DLG2: variants seen among roughly 807,000 people sequenced by gnomAD.
DLG2 encodes the protein discs large MAGUK scaffold protein 2, also known as disks large homolog 2.
A neutral mutation model predicts 132.5 loss-of-function variants in DLG2; 45 were observed. The observed-to-expected ratio is 0.34, with a 90% CI of 0.27 to 0.44. DLG2 has a LOEUF of 0.44. DLG2 is among the 20% of genes least tolerant of loss of function. The probability of loss-of-function intolerance (pLI) is 1.00; values close to 1 mark genes in which losing one functional copy is unlikely to be tolerated. For missense variants in DLG2, 1,045 were observed against 1,196.9 expected (o/e 0.87, Z 1.87); for synonymous variants, 424 against 419.6 (o/e 1.01, Z -0.13).
chr11:84,511,814 G>A (rs547923600), intron 7 of DLG2, among the ~76,000 whole-genome samples: 3 of 152,118 alleles, frequency 2.0e-5, no homozygotes, highest in African/African-American at 4.8e-5. Context: ...CTGGTTCTCA[G>A]GGCCCTGCTT....
At chr11:85,439,248 A>G (rs2091649702) in intron 3 of DLG2, among the ~76,000 whole-genome samples, 2 of 152,144 alleles carry the variant, frequency 1.3e-5, no homozygotes, top group African/African-American at 4.8e-5. Flanking sequence ...CTTTCCCACC[A>G]GCAATGAATG....
intron 7 of DLG2, among the ~76,000 whole-genome samples, chr11:84,501,256 T>C (rs2099203922): frequency 6.6e-6 from 1 of 152,216 alleles, no homozygotes; most frequent in African/African-American, 2.4e-5. Context: ...CTAAGTAGAT[T>C]CTGAAATGTT....
chr11:85,008,170 A>T (rs945573227), intron 6 of DLG2, among the ~76,000 whole-genome samples: 5 of 152,002 alleles, frequency 3.3e-5, no homozygotes, highest in African/African-American at 1.2e-4. Context: ...AGAGTATATA[A>T]AACTTTTCAT....
rs1486590244 is a variant in DLG2, at chr11:83,787,325, T to TC, written c.1723-534_1723-533insG. ...GCCTTAAGCCTTGTTTTTTTTTTGT[T>TC]TTTTTTTTTTTTTTTAGACAGAGTC... On this transcript the variant is annotated intron_variant, in intron 17 of 27. Transcript: ENST00000376104. Among the ~76,000 whole-genome samples the TC allele has an allele frequency of 2.1e-5, 2 of 94,844 alleles. 1 individual carries two copies. The highest frequency in any genetic ancestry group is 7.9e-4 in the South Asian group (2 of 2,516). 62.2% of individuals were successfully genotyped at this position (94,844 alleles called of 152,430 possible).
intron 3 of DLG2, among the ~76,000 whole-genome samples, chr11:85,379,323 T>C (rs535287998): frequency 6.4e-4 from 98 of 152,286 alleles, no homozygotes; most frequent in African/African-American, 2.1e-3. Flanking sequence ...ATCCTGTCTT[T>C]AGGTTTAAAC....
intron 7 of DLG2, among the ~76,000 whole-genome samples, chr11:84,356,356 C>T (rs2098611480): frequency 6.6e-6 from 1 of 152,052 alleles, no homozygotes; most frequent in African/African-American, 2.4e-5. Flanking sequence ...ATCTGAATCA[C>T]GAAGCTTATA....
chr11:84,570,751 C>T (rs997351319), intron 6 of DLG2, among the ~76,000 whole-genome samples: 1 of 152,178 alleles, frequency 6.6e-6, no homozygotes, highest in African/African-American at 2.4e-5. Context: ...TTTCTCCCTT[C>T]CCTTCATCAT....
At chr11:84,548,107 A>G (rs1402305459) in intron 6 of DLG2, among the ~76,000 whole-genome samples, 2 of 152,170 alleles carry the variant, frequency 1.3e-5, no homozygotes, top group Non-Finnish European at 2.9e-5. Flanking sequence ...GACATCCCTG[A>G]CAAAGTGTAT....
intron 4 of DLG2, among the ~76,000 whole-genome samples, chr11:85,156,199 A>G (rs1377798983): frequency 2.0e-5 from 3 of 152,192 alleles, no homozygotes; most frequent in East Asian, 3.8e-4. Context: ...GTTTACATCT[A>G]TCATTGTAAT....
chr11:83,918,067 C>T (rs1427389232), intron 15 of DLG2, among the ~76,000 whole-genome samples: 1 of 152,138 alleles, frequency 6.6e-6, no homozygotes, highest in Non-Finnish European at 1.5e-5. Context: ...AGGCAGATGT[C>T]CCATTACAAA....
At position 84,555,648 on chromosome 11, in the gene DLG2, T is replaced by C. The variant is rs143362920; in HGVS notation, c.358-20917A>G. 8.0e-3 allele frequency among the ~76,000 whole-genome samples: 1,213 copies of C among 152,296 alleles called. 22 individuals carry two copies. The highest frequency in any genetic ancestry group is 0.027 in the African/African-American group (1,114 of 41,552). ...GAAACAGAAAGTAAAATGGTAGTTA[T>C]CAGGGACTAGAGAGAGGAAGAAATA... On this transcript the variant is annotated intron_variant, in intron 6 of 27. Coordinates refer to ENST00000376104, the MANE Select transcript of DLG2 (RefSeq NM_001142699.3).
intron 22 of DLG2, among the ~76,000 whole-genome samples, chr11:83,476,380 G>C (rs969515788): frequency 3.9e-5 from 6 of 151,930 alleles, no homozygotes; most frequent in African/African-American, 1.2e-4. Context: ...AACTCTTCAG[G>C]CAGCTACTGC....
At chr11:84,635,959 T>A (rs992826528) in intron 6 of DLG2, among the ~76,000 whole-genome samples, 6 of 152,180 alleles carry the variant, frequency 3.9e-5, no homozygotes, top group African/African-American at 1.4e-4. Context: ...AAAGGATAAA[T>A]GAGAAACAGT....
chr11:84,606,416 A>G (rs535376367), intron 6 of DLG2, among the ~76,000 whole-genome samples: 1 of 152,232 alleles, frequency 6.6e-6, no homozygotes, highest in South Asian at 2.1e-4. Flanking sequence ...ATAAATTATA[A>G]TTGTCTTTGT....
At chr11:84,370,886 T>C (rs2098703477) in intron 7 of DLG2, among the ~76,000 whole-genome samples, 1 of 152,144 alleles carries the variant, frequency 6.6e-6, no homozygotes, top group Admixed American at 6.6e-5. Context: ...ACCACTATAA[T>C]CGTACATGTG....
chr11:84,234,106 A>G (rs1299322189), intron 8 of DLG2, among the ~76,000 whole-genome samples: 3 of 152,090 alleles, frequency 2.0e-5, no homozygotes, highest in Non-Finnish European at 4.4e-5. Context: ...TCCCCTCCCA[A>G]CTGCTGACAG....
At chr11:84,473,223 T>C (rs1266503747) in intron 7 of DLG2, among the ~76,000 whole-genome samples, 2 of 152,034 alleles carry the variant, frequency 1.3e-5, no homozygotes, top group Non-Finnish European at 2.9e-5. Context: ...GGGGGGTTTC[T>C]CTAAGAATGT....
chr11:84,140,395 CAAGT>C (rs1485067657), intron 9 of DLG2, among the ~76,000 whole-genome samples: 2 of 152,154 alleles, frequency 1.3e-5, no homozygotes, highest in Admixed American at 1.3e-4. Context: ...TTATGTCAAA[CAAGT>C]AAAACAATAA....
intron 3 of DLG2, among the ~76,000 whole-genome samples, chr11:85,470,070 C>T (rs2092931374): frequency 6.6e-6 from 1 of 151,964 alleles, no homozygotes; most frequent in South Asian, 2.1e-4. Flanking sequence ...CACACTGTTC[C>T]TCTGACAATC....
Sources: gnomAD v4.1 joint callset for allele counts (sites outside exome capture counted in the v4.1 genomes callset) on GRCh38, gnomAD v4.1.1 for gene constraint, MANE v1.5 for transcripts, NCBI Gene and HGNC (gene_info 2026-07-23, HGNC 2026-07-21) for gene names.